MARCHF1: variants seen among roughly 807,000 people sequenced by gnomAD.
MARCHF1 encodes the protein E3 ubiquitin-protein ligase MARCHF1.
A neutral mutation model predicts 54.2 loss-of-function variants in MARCHF1; 40 were observed. That is an observed-to-expected ratio of 0.74 (90% CI 0.57 to 0.96). The LOEUF (loss-of-function observed/expected upper bound fraction) is 0.96, where lower values mean the gene tolerates loss of function less well. Among genes scored for constraint, MARCHF1 ranks in the 40% least tolerant of loss-of-function variants. MARCHF1 has a pLI of 0.00. For synonymous variants in MARCHF1, 236 were observed against 236.3 expected (o/e 1.00, Z 0.01); for missense variants, 586 against 656.5 (o/e 0.89, Z 1.17).
chr4:163,569,858 C>T (rs559756014), intron 8 of MARCHF1, among the ~76,000 whole-genome samples: 1 of 152,218 alleles, frequency 6.6e-6, no homozygotes, highest in Admixed American at 6.5e-5. Context: ...ATTTATTACT[C>T]TTATAAGGCA....
At chr4:164,023,338 G>A (rs1285245683) in intron 2 of MARCHF1, among the ~76,000 whole-genome samples, 1 of 152,060 alleles carries the variant, frequency 6.6e-6, no homozygotes, top group Non-Finnish European at 1.5e-5. Context: ...TGTCTTCCCT[G>A]CACACTACAG....
intron 2 of MARCHF1, among the ~76,000 whole-genome samples, chr4:164,035,892 C>A (rs2111005271): frequency 6.9e-6 from 1 of 144,340 alleles, no homozygotes; most frequent in Admixed American, 7.1e-5. Flanking sequence ...ACCAGCCTGG[C>A]CAATATGGTG....
At chr4:163,942,752 C>T (rs1751938507) in intron 3 of MARCHF1, among the ~76,000 whole-genome samples, 1 of 152,072 alleles carries the variant, frequency 6.6e-6, no homozygotes, top group Admixed American at 6.6e-5. Flanking sequence ...ATTACCTCCC[C>T]CGATCTTTTT....
chr4:164,264,969 T>C (rs977746791), intron 1 of MARCHF1, among the ~76,000 whole-genome samples: 7 of 151,876 alleles, frequency 4.6e-5, no homozygotes, highest in East Asian at 3.9e-4. Flanking sequence ...AGTATTACCA[T>C]TGTTGTGCGT....
Position 164,070,176 on chromosome 4 carries a change from A to G in MARCHF1, c.-248+41412T>C, listed in dbSNP as rs72689965. Among the ~76,000 whole-genome samples, 1,178 of 152,342 alleles carry G rather than the reference A, an allele frequency of 7.7e-3. 8 individuals are homozygous for G. The highest frequency in any genetic ancestry group is 0.013 in the Non-Finnish European group (868 of 68,030). On this transcript the variant is annotated intron_variant, in intron 2 of 9. Coordinates refer to ENST00000514618, the MANE Select transcript of MARCHF1 (RefSeq NM_001394959.1). The stretch of plus-strand genomic sequence containing the variant: ...CTATTTTTCAGGTACTATACTCCCT[A>G]TCTGGGTGCAATATACCCATGCAGT...
chr4:163,974,439 T>C (rs543023458), intron 3 of MARCHF1, among the ~76,000 whole-genome samples: 2 of 152,324 alleles, frequency 1.3e-5, no homozygotes, highest in East Asian at 3.9e-4. Context: ...GTAACCCACA[T>C]ACCAGAAATG....
intron 4 of MARCHF1, among the ~76,000 whole-genome samples, chr4:163,796,984 T>C (rs1256587050): frequency 6.6e-6 from 1 of 152,152 alleles, no homozygotes; most frequent in Non-Finnish European, 1.5e-5. Context: ...TTTTTACTAA[T>C]TTCTTATATC....
rs1211143800 is a variant in MARCHF1, at chr4:164,103,212, A to G, written c.-248+8376T>C. On this transcript the variant is annotated intron_variant, in intron 2 of 9. Transcript: ENST00000514618. ...TCAACATTAGACAGATCAACGAGAC[A>G]GAAAGTCAACAAGGATACCCAGGAA... is the stretch of plus-strand genomic sequence containing the variant. Among the ~76,000 whole-genome samples, 444 of 71,774 alleles carry G rather than the reference A, an allele frequency of 6.2e-3. 7 individuals are homozygous for G. The highest frequency in any genetic ancestry group is 0.019 in the African/African-American group (421 of 22,568). The allele number at this position is 71,774 out of a possible 152,430, so 47.1% of individuals were successfully genotyped here.
At chr4:163,679,979 G>GT (rs11327231) in intron 5 of MARCHF1, among the ~76,000 whole-genome samples, 1,894 of 139,372 alleles carry the variant, frequency 0.014, 47 homozygotes, top group African/African-American at 0.045. Flanking sequence ...CTTTTTATCT[G>GT]TTTTTTTTTT....
rs187858494 is a variant in MARCHF1 at position 163,941,581 on chromosome 4, T to G, written c.-39+46920A>C. Among the ~76,000 whole-genome samples, 39 of 152,236 alleles carry G rather than the reference T, an allele frequency of 2.6e-4. No homozygotes were observed. In the East Asian group the frequency reaches 7.5e-3, roughly 29 times the overall value. Reference sequence around the variant, plus strand: ...TGTGACCTTTTTGGGTCCTTCTCAGTCCATACATAACAAACAACAAAATAC... The same window carrying G: ...TGTGACCTTTTTGGGTCCTTCTCAGGCCATACATAACAAACAACAAAATAC... On this transcript the variant is annotated intron_variant, in intron 3 of 9. Coordinates refer to ENST00000514618, the MANE Select transcript of MARCHF1 (RefSeq NM_001394959.1).
At chr4:163,641,307 A>G (rs1369811161) in intron 5 of MARCHF1, among the ~76,000 whole-genome samples, 1 of 152,180 alleles carries the variant, frequency 6.6e-6, no homozygotes, top group African/African-American at 2.4e-5. Context: ...TAAGAATACT[A>G]TATGAGGGAA....
intron 7 of MARCHF1, among the ~76,000 whole-genome samples, chr4:163,595,951 A>G (rs1462158548): frequency 5.3e-5 from 8 of 151,956 alleles, no homozygotes; most frequent in Non-Finnish European, 7.4e-5. Flanking sequence ...CTATTTGCCC[A>G]TAAAAAAAGT....
At chr4:163,539,221 A>G (rs968158509) in intron 9 of MARCHF1, among the ~76,000 whole-genome samples, 2 of 152,016 alleles carry the variant, frequency 1.3e-5, no homozygotes, top group African/African-American at 4.8e-5. Flanking sequence ...GAGTTTCACC[A>G]TGTTGGCCAG....
chr4:163,954,110 GAAAT>G (rs1752187002), intron 3 of MARCHF1, among the ~76,000 whole-genome samples: 1 of 152,056 alleles, frequency 6.6e-6, no homozygotes, highest in South Asian at 2.1e-4. Context: ...AATACATAAA[GAAAT>G]AACTAGGTAA....
At chr4:164,229,926 C>A (rs1732370680) in intron 1 of MARCHF1, among the ~76,000 whole-genome samples, 1 of 152,150 alleles carries the variant, frequency 6.6e-6, no homozygotes. Flanking sequence ...TAAACCCCAC[C>A]TCCAACATTG....
chr4:163,611,761 T>C (rs1272695158), intron 7 of MARCHF1, among the ~76,000 whole-genome samples: 1 of 152,126 alleles, frequency 6.6e-6, no homozygotes, highest in African/African-American at 2.4e-5. Flanking sequence ...GATACGTCCC[T>C]GACCTGTTTC....
At chr4:163,713,380 C>G (rs1290065058) in intron 4 of MARCHF1, among the ~76,000 whole-genome samples, 1 of 152,148 alleles carries the variant, frequency 6.6e-6, no homozygotes, top group South Asian at 2.1e-4. Flanking sequence ...CCCAACTATA[C>G]CACTTGTGGT....
At chr4:163,818,677 C>T (rs1202939959) in intron 4 of MARCHF1, among the ~76,000 whole-genome samples, 1 of 152,046 alleles carries the variant, frequency 6.6e-6, no homozygotes, top group Non-Finnish European at 1.5e-5. Flanking sequence ...ACCTGCAAAG[C>T]CCCCATATCC....
At chr4:164,369,412 A>G (rs1025295783) in intron 1 of MARCHF1, among the ~76,000 whole-genome samples, 3 of 152,136 alleles carry the variant, frequency 2.0e-5, no homozygotes, top group African/African-American at 4.8e-5. Context: ...ATGAGTTCCA[A>G]TCCTGCACCT....
Sources: allele counts gnomAD v4.1 joint callset (sites outside exome capture counted in the v4.1 genomes callset), GRCh38; gene constraint gnomAD v4.1.1; transcripts MANE v1.5; gene names NCBI Gene and HGNC (gene_info 2026-07-23, HGNC 2026-07-21).